The following IMMP2L variants were observed in gnomAD, a reference collection of about 807,000 sequenced individuals.
IMMP2L encodes mitochondrial inner membrane protease subunit 2.
In IMMP2L, 18 loss-of-function variants were observed where a neutral mutation model predicts 19.3. The ratio of observed to expected loss-of-function variants is 0.93; its 90% CI spans 0.64 to 1.38. The LOEUF (loss-of-function observed/expected upper bound fraction) is 1.38, where lower values mean the gene tolerates loss of function less well. Among genes scored for constraint, IMMP2L ranks in the 40% most tolerant of loss-of-function variants. The pLI is 0.00. For missense variants in IMMP2L, 233 were observed against 218.2 expected, an observed-to-expected ratio of 1.07 and a Z score of -0.43; for synonymous variants, 76 against 73.0, an observed-to-expected ratio of 1.04 and a Z score of -0.21.
chr7:110,843,884 T>C (rs534340736), intron 5 of IMMP2L, among the ~76,000 whole-genome samples: 1 of 152,024 alleles, frequency 6.6e-6, no homozygotes, highest in South Asian at 2.1e-4. Context: ...GCAGAGAGGG[T>C]GGCCAGGGTG....
At chr7:110,824,610 C>T (rs1038831454) in intron 5 of IMMP2L, among the ~76,000 whole-genome samples, 5 of 152,010 alleles carry the variant, frequency 3.3e-5, no homozygotes, top group Non-Finnish European at 5.9e-5. Flanking sequence ...TCAAGAGATA[C>T]TCCATCCCCG....
At chr7:111,190,866 A>G (rs1808785810) in intron 3 of IMMP2L, among the ~76,000 whole-genome samples, 1 of 152,166 alleles carries the variant, frequency 6.6e-6, no homozygotes, top group Non-Finnish European at 1.5e-5. Flanking sequence ...TTGAATAGAC[A>G]AAGTTTGCAG....
chr7:111,360,952 T>A (rs1829203150), intron 3 of IMMP2L, among the ~76,000 whole-genome samples: 1 of 152,108 alleles, frequency 6.6e-6, no homozygotes, highest in Non-Finnish European at 1.5e-5. Flanking sequence ...TATTTTTAAA[T>A]GATGAATATA....
intron 3 of IMMP2L, among the ~76,000 whole-genome samples, chr7:111,330,378 A>G (rs1216934459): frequency 1.3e-5 from 2 of 151,862 alleles, no homozygotes; most frequent in Non-Finnish European, 2.9e-5. Flanking sequence ...CAATTTATAT[A>G]TAAATGGAAT....
chr7:111,212,901 T>C (rs1055517200), intron 3 of IMMP2L, among the ~76,000 whole-genome samples: 28 of 152,196 alleles, frequency 1.8e-4, no homozygotes, highest in African/African-American at 4.8e-4. Flanking sequence ...TCATTCCATG[T>C]GCTCTGGTAG....
chr7:111,146,469 C>T (rs1256139110), intron 3 of IMMP2L, among the ~76,000 whole-genome samples: 1 of 151,870 alleles, frequency 6.6e-6, no homozygotes, highest in Non-Finnish European at 1.5e-5. Flanking sequence ...CACTAGAACC[C>T]AAATGACAGC....
At chr7:111,331,987 C>A (rs972417410) in intron 3 of IMMP2L, among the ~76,000 whole-genome samples, 6 of 151,500 alleles carry the variant, frequency 4.0e-5, no homozygotes, top group Non-Finnish European at 7.4e-5. Flanking sequence ...ATAAGACACA[C>A]GGGAAAATAC....
At chr7:110,883,093 G>A (rs553825471) in intron 5 of IMMP2L, among the ~76,000 whole-genome samples, 23 of 151,780 alleles carry the variant, frequency 1.5e-4, no homozygotes, top group Admixed American at 2.6e-4. Context: ...ATTTTTTTGC[G>A]CTTTATAAAC....
intron 3 of IMMP2L, among the ~76,000 whole-genome samples, chr7:111,029,469 T>G (rs117455902): frequency 6.6e-6 from 1 of 152,318 alleles, no homozygotes; most frequent in East Asian, 1.9e-4. Flanking sequence ...ACTGAAGAGA[T>G]ACAGGTAGCT....
chr7:110,719,365 A>T (rs1222825905), intron 5 of IMMP2L, among the ~76,000 whole-genome samples: 2 of 152,204 alleles, frequency 1.3e-5, no homozygotes, highest in Non-Finnish European at 1.5e-5. Flanking sequence ...AAAAGAAAAA[A>T]GGCCTTTCTC....
chr7:111,334,357 C>G (rs1202030614), intron 3 of IMMP2L, among the ~76,000 whole-genome samples: 5 of 151,960 alleles, frequency 3.3e-5, no homozygotes, highest in Non-Finnish European at 7.4e-5. Context: ...AACAAAACGG[C>G]CTTCTGTTTC....
At chr7:110,933,188 A>G (rs762775118) in intron 4 of IMMP2L, among the ~76,000 whole-genome samples, 9 of 152,222 alleles carry the variant, frequency 5.9e-5, no homozygotes, top group Non-Finnish European at 1.0e-4. Flanking sequence ...TGGTGGAGAC[A>G]TAGCTGGACT....
intron 3 of IMMP2L, among the ~76,000 whole-genome samples, chr7:111,142,930 T>C (rs1321885541): frequency 6.6e-6 from 1 of 152,156 alleles, no homozygotes; most frequent in Non-Finnish European, 1.5e-5. Context: ...GACAGAAAGC[T>C]TGTGAATAGA....
At chr7:110,968,569 A>G (rs1819801749) in intron 3 of IMMP2L, among the ~76,000 whole-genome samples, 1 of 152,114 alleles carries the variant, frequency 6.6e-6, no homozygotes, top group African/African-American at 2.4e-5. Context: ...GTTACTCAGG[A>G]GGCTGAGTTA....
At chr7:111,317,816 G>A (rs902153014) in intron 3 of IMMP2L, among the ~76,000 whole-genome samples, 9 of 152,100 alleles carry the variant, frequency 5.9e-5, no homozygotes, top group African/African-American at 2.2e-4. Flanking sequence ...TTCAAAGTCT[G>A]TGAATTTAAT....
intron 3 of IMMP2L, among the ~76,000 whole-genome samples, chr7:111,476,107 A>G (rs1254229363): frequency 6.6e-6 from 1 of 152,146 alleles, no homozygotes; most frequent in Non-Finnish European, 1.5e-5. Context: ...AAGATCAACT[A>G]GTCTGTACCT....
intron 1 of IMMP2L, among the ~76,000 whole-genome samples, chr7:111,532,247 C>T (rs771309767): frequency 2.0e-5 from 3 of 152,114 alleles, no homozygotes; most frequent in Non-Finnish European, 2.9e-5. Context: ...ATCTACTTTG[C>T]TACCTCACAT....
At chr7:111,100,985 A>T (rs1797909355) in intron 3 of IMMP2L, among the ~76,000 whole-genome samples, 1 of 151,518 alleles carries the variant, frequency 6.6e-6, no homozygotes, top group Admixed American at 6.6e-5. Flanking sequence ...GAACATTTAT[A>T]AGTTTAAAAT....
At chr7:110,815,803 G>A (rs1250241330) in intron 5 of IMMP2L, among the ~76,000 whole-genome samples, 9 of 152,014 alleles carry the variant, frequency 5.9e-5, no homozygotes, top group African/African-American at 1.4e-4. Context: ...CTGTGGGATC[G>A]GTGGTGATAT....
Sources: allele counts gnomAD v4.1 joint callset (sites outside exome capture counted in the v4.1 genomes callset), GRCh38; gene constraint gnomAD v4.1.1; transcripts MANE v1.5; gene names NCBI Gene and HGNC (gene_info 2026-07-23, HGNC 2026-07-21).